DLGAP2: variants seen among roughly 807,000 people sequenced by gnomAD.
The protein encoded by DLGAP2 is DLG associated protein 2.
Under a neutral mutation model 100.3 loss-of-function variants are expected in DLGAP2, and 26 were observed. The ratio of observed to expected loss-of-function variants is 0.26; its 90% CI spans 0.19 to 0.36. DLGAP2 has a LOEUF of 0.36. Among genes scored for constraint, DLGAP2 ranks in the 10% least tolerant of loss-of-function variants. The probability of loss-of-function intolerance (pLI) is 1.00; values close to 1 mark genes in which losing one functional copy is unlikely to be tolerated. For synonymous variants in DLGAP2, 886 were observed against 630.1 expected (o/e 1.41, Z -6.08); for missense variants, 1,858 against 1,453.2 (o/e 1.28, Z -4.53).
intron 1 of DLGAP2, among the ~76,000 whole-genome samples, chr8:824,016 A>G (rs1006480956): frequency 1.6e-4 from 24 of 151,622 alleles, no homozygotes; most frequent in Non-Finnish European, 2.9e-4. Flanking sequence ...TCCTGGGACA[A>G]CATTTCTTCT....
intron 3 of DLGAP2, among the ~76,000 whole-genome samples, chr8:1,262,015 TG>T (rs1208805840): frequency 2.6e-5 from 4 of 152,336 alleles, no homozygotes; most frequent in Admixed American, 2.6e-4. Context: ...GTCAGAAAGC[TG>T]TTAACAGCCT....
intron 2 of DLGAP2, among the ~76,000 whole-genome samples, chr8:1,197,886 T>C (rs945311314): frequency 1.3e-5 from 2 of 152,202 alleles, no homozygotes; most frequent in African/African-American, 4.8e-5. Context: ...CCTGCAGTGT[T>C]TCCTCTCATG....
Position 1,283,261 on chromosome 8 carries a change from G to A in DLGAP2, c.106+24378G>A, listed in dbSNP as rs530408668. 5.7e-3 allele frequency among the ~76,000 whole-genome samples: 711 copies of A among 125,606 alleles called. 3 individuals carry two copies. Among genetic ancestry groups the A allele is most frequent in the African/African-American group, 0.022 (656 of 30,384 alleles). 82.4% of individuals were successfully genotyped at this position (125,606 alleles called of 152,430 possible). ...GGACGTGGTGTGATCTGAACCCAGC[G>A]CCCTGAACCATCCGGACGTGGTGCG... On this transcript the variant is annotated intron_variant, in intron 3 of 14. Coordinates refer to ENST00000637795, the MANE Select transcript of DLGAP2 (RefSeq NM_001346810.2).
chr8:1,418,597 T>C (rs1235305372), intron 3 of DLGAP2, among the ~76,000 whole-genome samples: 1 of 152,076 alleles, frequency 6.6e-6, no homozygotes, highest in African/African-American at 2.4e-5. Flanking sequence ...CGACGCCAAA[T>C]AAAAGGGAAA....
intron 6 of DLGAP2, among the ~76,000 whole-genome samples, chr8:1,607,028 G>C (rs1464728267): frequency 6.6e-5 from 10 of 152,052 alleles, no homozygotes; most frequent in Admixed American, 6.6e-4. Flanking sequence ...ATTTCTCCTG[G>C]GCATATACCA....
chr8:1,429,128 G>A (rs188753683), intron 3 of DLGAP2, among the ~76,000 whole-genome samples: 1 of 152,324 alleles, frequency 6.6e-6, no homozygotes, highest in East Asian at 1.9e-4. Flanking sequence ...AACAAAACAT[G>A]TTGGATTAGT....
intron 2 of DLGAP2, among the ~76,000 whole-genome samples, chr8:910,134 C>T (rs1256328764): frequency 6.6e-6 from 1 of 152,204 alleles, no homozygotes; most frequent in African/African-American, 2.4e-5. Context: ...GTAGCGAATG[C>T]TCCAAACTGG....
intron 2 of DLGAP2, among the ~76,000 whole-genome samples, chr8:1,240,505 G>T (rs1417886548): frequency 6.7e-6 from 1 of 149,316 alleles, no homozygotes; most frequent in Non-Finnish European, 1.5e-5. Context: ...ATGGCGCCGT[G>T]TCTAGTTCTC....
chr8:1,562,282 C>T (rs1268548307), intron 5 of DLGAP2, among the ~76,000 whole-genome samples: 1 of 15,602 alleles, frequency 6.4e-5, no homozygotes. Context: ...TGGGTGTCGG[C>T]GCCTCGTTAC....
chr8:977,906 G>T (rs113763054), intron 2 of DLGAP2, among the ~76,000 whole-genome samples: 43 of 37,640 alleles, frequency 1.1e-3, no homozygotes, highest in Middle Eastern at 0.011. Context: ...TGCAGTGAGG[G>T]GCTGCGTTCT....
Position 1,671,155 on chromosome 8 carries a change from G to A in DLGAP2, c.2202+1371G>A, listed in dbSNP as rs965072434. On this transcript the variant is annotated intron_variant, in intron 10 of 14. Coordinates refer to ENST00000637795, the MANE Select transcript of DLGAP2 (RefSeq NM_001346810.2). ...AAGGCCATGAGTGAAGGCAGCGGCCGAGACTGGAGCCTGCACTCCACTCCA... is the reference window on the plus strand; with the variant it reads ...AAGGCCATGAGTGAAGGCAGCGGCCAAGACTGGAGCCTGCACTCCACTCCA... Among the ~76,000 whole-genome samples the A allele has an allele frequency of 1.5e-4, 23 of 152,188 alleles. 1 individual carries two copies. Among genetic ancestry groups the A allele is most frequent in the African/African-American group, 4.8e-4 (20 of 41,446 alleles).
At chr8:1,030,156 C>A (rs1043698634) in intron 2 of DLGAP2, among the ~76,000 whole-genome samples, 3 of 152,182 alleles carry the variant, frequency 2.0e-5, no homozygotes, top group African/African-American at 7.2e-5. Flanking sequence ...CCTCCTCTTA[C>A]AACAGTCTAA....
intron 3 of DLGAP2, among the ~76,000 whole-genome samples, chr8:1,291,483 C>T (rs917945168): frequency 7.9e-5 from 12 of 152,154 alleles, no homozygotes; most frequent in Admixed American, 7.2e-4. Flanking sequence ...GTATGGCTCC[C>T]TTCAGTGCCA....
At chr8:794,039 G>A (rs1353015543) in intron 1 of DLGAP2, among the ~76,000 whole-genome samples, 1 of 152,084 alleles carries the variant, frequency 6.6e-6, no homozygotes, top group Non-Finnish European at 1.5e-5. Flanking sequence ...GGTCCCTGGT[G>A]GCGTGAGTGA....
intron 1 of DLGAP2, among the ~76,000 whole-genome samples, chr8:783,860 G>A (rs551184235): frequency 3.1e-4 from 47 of 152,222 alleles, no homozygotes; most frequent in African/African-American, 9.6e-4. Flanking sequence ...ATCAATGGGC[G>A]AAACTTATTT....
chr8:774,258 A>G (rs1821449060), intron 1 of DLGAP2, among the ~76,000 whole-genome samples: 1 of 152,214 alleles, frequency 6.6e-6, no homozygotes. Context: ...GCCCTTTGTC[A>G]GACGAGTAGG....
At chr8:1,408,571 G>A (rs550657088) in intron 3 of DLGAP2, among the ~76,000 whole-genome samples, 27 of 152,316 alleles carry the variant, frequency 1.8e-4, no homozygotes, top group African/African-American at 6.0e-4. Flanking sequence ...AGACACACAC[G>A]GTGTTAACTG....
chr8:738,258 T>TC (rs1248922334), intron 1 of DLGAP2, among the ~76,000 whole-genome samples: 1 of 149,358 alleles, frequency 6.7e-6, no homozygotes, highest in Non-Finnish European at 1.5e-5. Context: ...TGCATCCCCC[T>TC]CCCCCCAAGC....
chr8:1,342,602 G>T (rs564951909), intron 3 of DLGAP2, among the ~76,000 whole-genome samples: 5 of 152,212 alleles, frequency 3.3e-5, no homozygotes, highest in African/African-American at 1.2e-4. Flanking sequence ...CCAAAGGCTG[G>T]CTGTGCACCG....
Sources: gnomAD v4.1 joint callset for allele counts (sites outside exome capture counted in the v4.1 genomes callset) on GRCh38, gnomAD v4.1.1 for gene constraint, MANE v1.5 for transcripts, NCBI Gene and HGNC (gene_info 2026-07-23, HGNC 2026-07-21) for gene names.